FREM2: variants seen among roughly 807,000 people sequenced by gnomAD.
FREM2 encodes the protein FRAS1-related extracellular matrix protein 2.
Under a neutral mutation model 219.9 loss-of-function variants are expected in FREM2, and 119 were observed. The observed-to-expected ratio is 0.54, with a 90% CI of 0.47 to 0.63. The LOEUF is 0.63. Among genes scored for constraint, FREM2 ranks in the 30% least tolerant of loss-of-function variants. The pLI, the probability that FREM2 is intolerant of heterozygous loss-of-function variation, is 0.00. For missense variants in FREM2, 4,030 were observed against 3,993.6 expected, an observed-to-expected ratio of 1.01 and a Z score of -0.25; for synonymous variants, 1,562 against 1,522.8, an observed-to-expected ratio of 1.03 and a Z score of -0.60.
At chr13:38,868,587 C>G (rs1878052923) in intron 16 of FREM2, among the ~76,000 whole-genome samples, 1 of 152,174 alleles carries the variant, frequency 6.6e-6, no homozygotes, top group Non-Finnish European at 1.5e-5. Context: ...TTTCCTTTGT[C>G]CTTGGTACAA....
chr13:38,753,623 A>C (rs1872866247), intron 2 of FREM2, among the ~76,000 whole-genome samples: 1 of 152,254 alleles, frequency 6.6e-6, no homozygotes, highest in African/African-American at 2.4e-5. Flanking sequence ...TCACAGTGTT[A>C]AAATGACAAA....
intron 2 of FREM2, among the ~76,000 whole-genome samples, chr13:38,739,065 A>G (rs557227962): frequency 1.3e-5 from 2 of 152,290 alleles, no homozygotes; most frequent in Admixed American, 6.5e-5. Context: ...ATATATACAG[A>G]ATGCTTGGCA....
rs754976196 is a variant in FREM2, at chr13:38,848,673, G to A, written c.6379+3G>A. The A allele has an allele frequency of 2.5e-6, 4 of 1,607,236 alleles. No individual in the cohort carries two copies. On this transcript the variant is annotated splice_donor_region_variant and intron_variant, in intron 8 of 23. Transcript: ENST00000280481. The stretch of plus-strand genomic sequence containing the variant: ...CATAAATGACTCTGTCTCCGATTGT[G>A]AGTGTTTATTAATTTTATAATTTAC...
intron 6 of FREM2, among the ~76,000 whole-genome samples, chr13:38,832,585 A>T (rs9603443): frequency 0.12 from 18,312 of 152,122 alleles, 2,125 homozygotes; most frequent in African/African-American, 0.31. Context: ...AATAAGATAT[A>T]ATAATTTTAT....
chr13:38,861,557 T>C lies in FREM2; in HGVS notation c.7646T>C (p.Ile2549Thr). 2 of 1,613,234 alleles carry C rather than the reference T, an allele frequency of 1.2e-6. No individual in the cohort carries two copies. Among genetic ancestry groups the C allele is most frequent in the Middle Eastern group, 1.7e-4 (1 of 6,060 alleles). Reference protein sequence around the residue: ...LIKLTVTMPHIDGMLPVISTR... With the variant: ...LIKLTVTMPHTDGMLPVISTR... The stretch of plus-strand genomic sequence containing the variant: ...AAGCTCACTGTCACAATGCCACACA[T>C]AGATGGTAGGTGACTTGGGTAAGCA... Residue 2549 changes from isoleucine (I) to threonine (T), a missense_variant, in exon 15 of 24, where the codon ATA becomes ACA. By Grantham distance (89) the Ile-to-Thr change is moderately conservative (BLOSUM62 -1). Around this residue, in one of 2 missense-constraint regions of FREM2, gnomAD observed 928 missense variants for 1,042.9 expected, o/e 0.89. Coordinates refer to ENST00000280481, the MANE Select transcript of FREM2 (RefSeq NM_207361.6).
rs1869492471 is a variant in FREM2, at chr13:38,687,252, C to T, written c.-93C>T. On this transcript the variant is annotated 5_prime_UTR_variant, in exon 1 of 24. Coordinates refer to ENST00000280481, the MANE Select transcript of FREM2 (RefSeq NM_207361.6). The stretch of plus-strand genomic sequence containing the variant: ...GACCCCGCGGGCAACGCGCGGAGTT[C>T]CTGGCACTTCCCGGCGGTGTCTCTT... The T allele has an allele frequency of 3.3e-6, 5 of 1,522,260 alleles. No individual in the cohort carries two copies. The highest frequency in any genetic ancestry group is 2.4e-5 in the South Asian group (2 of 83,154). 94.3% of individuals were successfully genotyped at this position (1,522,260 alleles called of 1,614,324 possible).
chr13:38,784,789 C>G lies in FREM2; in HGVS notation c.6000C>G (p.Ile2000Met). ...GSEFPGAQVT[I>M]VPDKDDEPIF... is the part of the protein sequence containing the mutation. ...AGTTCCCAGGGGCTCAAGTTACAATCGTTCCTGACAAAGATGATGGTGAGT... is the reference window on the plus strand; with the variant it reads ...AGTTCCCAGGGGCTCAAGTTACAATGGTTCCTGACAAAGATGATGGTGAGT... Residue 2000 changes from isoleucine (I) to methionine (M), a missense_variant, in exon 6 of 24, where the codon ATC (isoleucine) becomes ATG (methionine). By Grantham distance (10) the Ile-to-Met change is conservative. This residue lies in a region of FREM2 where 3,102 missense variants were observed against 2,950.7 expected (regional missense o/e 1.05). Transcript: ENST00000280481. 1 of 1,614,122 alleles carries G rather than the reference C, an allele frequency of 6.2e-7. No homozygotes were observed. Among genetic ancestry groups the G allele is most frequent in the Non-Finnish European group, 8.5e-7 (1 of 1,179,994 alleles).
In FREM2 at chr13:38,878,205, G is replaced by A. The variant is rs767037678; in HGVS notation, c.8743G>A (p.Glu2915Lys). Residue 2915 changes from glutamate (E) to lysine (K), a missense_variant, in exon 22 of 24, where the codon GAG (glutamate) becomes AAG (lysine). This residue lies in a region of FREM2 where 928 missense variants were observed against 1,042.9 expected (regional missense o/e 0.89). Transcript: ENST00000280481. ...GGGTGACTCCTTTTACTGCAGCATTGAGAAGGTGTTTCTATGCACTGGAGC... is the reference window on the plus strand; with the variant it reads ...GGGTGACTCCTTTTACTGCAGCATTAAGAAGGTGTTTCTATGCACTGGAGC... ...NLGDSFYCSIEKVFLCTGADG... is the reference protein window; with the variant it reads ...NLGDSFYCSIKKVFLCTGADG... 1 of 1,613,710 alleles carries A rather than the reference G, an allele frequency of 6.2e-7. No homozygotes were observed.
chr13:38,694,242 T>C (rs1192251982), intron 1 of FREM2, among the ~76,000 whole-genome samples: 2 of 152,236 alleles, frequency 1.3e-5, no homozygotes, highest in African/African-American at 2.4e-5. Context: ...CCATGATTAA[T>C]TTTTGTCATC....
In FREM2 at chr13:38,880,612, T is replaced by C. The variant is rs762519436; in HGVS notation, c.9335T>C (p.Val3112Ala). Reference sequence around the variant, plus strand: ...AGCCCCAGCTCTGCAGTCAGCCTGGTCACTGTGGTGGGAGGCACCACGGTA... The same window carrying C: ...AGCCCCAGCTCTGCAGTCAGCCTGGCCACTGTGGTGGGAGGCACCACGGTA... ...LNSPSSAVSL[V>A]TVVGGTTVGL... The change falls in exon 24 of 24, where the codon GTC (valine) becomes GCC (alanine). Residue 3112 changes from valine to alanine, a missense_variant. Val to Ala is a moderately conservative substitution (Grantham distance 64). Coordinates refer to ENST00000280481, the MANE Select transcript of FREM2 (RefSeq NM_207361.6). 2 of 1,613,832 alleles carry C rather than the reference T, an allele frequency of 1.2e-6. No individual in the cohort carries two copies. Among genetic ancestry groups the C allele is most frequent in the South Asian group, 2.2e-5 (2 of 91,086 alleles).
At chr13:38,797,068 G>C (rs1593413485) in intron 6 of FREM2, among the ~76,000 whole-genome samples, 1 of 151,788 alleles carries the variant, frequency 6.6e-6, no homozygotes, top group East Asian at 1.9e-4. Flanking sequence ...TGTAGAGATG[G>C]GGTCTCTCTA....
intron 6 of FREM2, among the ~76,000 whole-genome samples, chr13:38,817,845 A>G (rs916015374): frequency 6.6e-5 from 10 of 152,074 alleles, no homozygotes; most frequent in African/African-American, 2.4e-4. Context: ...TATAAGGGAC[A>G]TAATAGCAAA....
At position 38,692,286 on chromosome 13, in the gene FREM2, G is replaced by T. The variant is rs764160033; in HGVS notation, c.4942G>T (p.Val1648Phe). The T allele has an allele frequency of 5.0e-6, 8 of 1,613,300 alleles. No homozygotes were observed. The highest frequency in any genetic ancestry group is 2.2e-5 in the South Asian group (2 of 91,000). The stretch of plus-strand genomic sequence containing the variant: ...GAGACCCCAAGTGATGAAGATCCAG[G>T]TCTTGGCTGTTGACAACAGTGTCCC... ...TRRPQVMKIQ[V>F]LAVDNSVPQI... The change falls in exon 1 of 24, where the codon GTC (valine) becomes TTC (phenylalanine). Residue 1648 changes from valine to phenylalanine, a missense_variant. Val to Phe is a conservative substitution (Grantham distance 50). This residue lies in a region of FREM2 where 3,102 missense variants were observed against 2,950.7 expected (regional missense o/e 1.05). Transcript: ENST00000280481.
At chr13:38,769,523 C>A (rs1873567540) in intron 3 of FREM2, 55 bp from the exon 4 acceptor site, 3 of 1,463,528 alleles carry the variant, frequency 2.0e-6, no homozygotes, top group Non-Finnish European at 2.8e-6. Context: ...CAAGGAAAAT[C>A]TTAATAATCC....
rs1222770036 is a variant in FREM2, at chr13:38,776,787, G to GA, written c.5642-6271dup. On this transcript the variant is annotated intron_variant, in intron 4 of 23. Coordinates refer to ENST00000280481, the MANE Select transcript of FREM2 (RefSeq NM_207361.6). Reference sequence around the variant, plus strand: ...TCTCTAAATCTAAAACTGCTAAAAAGAAAAAAAAAAAACCCAGAGGTCTAT... The same window carrying GA: ...TCTCTAAATCTAAAACTGCTAAAAAGAAAAAAAAAAAAACCCAGAGGTCTAT... Among the ~76,000 whole-genome samples, 1,243 of 139,618 alleles carry GA rather than the reference G, an allele frequency of 8.9e-3. 9 individuals are homozygous for GA. Among genetic ancestry groups the GA allele is most frequent in the African/African-American group, 0.02 (793 of 39,038 alleles). 91.6% of individuals were successfully genotyped at this position (139,618 alleles called of 152,430 possible).
chr13:38,744,203 CTTTTTTTTTTTTT>C (rs11308232), intron 2 of FREM2, among the ~76,000 whole-genome samples: 29 of 51,746 alleles, frequency 5.6e-4, no homozygotes, highest in African/African-American at 2.1e-3. Flanking sequence ...GAGGTAAATC[CTTTTTTTTTTTTT>C]TTTTTTTTTT....
chr13:38,729,433 G>A (rs1019603901), intron 2 of FREM2, among the ~76,000 whole-genome samples: 8 of 152,080 alleles, frequency 5.3e-5, no homozygotes, highest in African/African-American at 1.9e-4. Flanking sequence ...GGGTATACTA[G>A]CATATGATCT....
intron 2 of FREM2, among the ~76,000 whole-genome samples, chr13:38,721,721 T>G (rs1302181365): frequency 1.3e-5 from 2 of 152,218 alleles, no homozygotes; most frequent in Non-Finnish European, 2.9e-5. Context: ...TCAATGAAAT[T>G]TGCCAAATTT....
Position 38,876,109 on chromosome 13 carries a change from A to G in FREM2, c.8369A>G (p.Asn2790Ser). 2 of 1,614,006 alleles carry G rather than the reference A, an allele frequency of 1.2e-6. No homozygotes were observed. Among genetic ancestry groups the G allele is most frequent in the Non-Finnish European group, 1.7e-6 (2 of 1,179,966 alleles). ...CTCATAAGGAGTGAACCAACCTATAACCAGCCAGTACAGCAGTGGAGCTTT... is the reference window on the plus strand; with the variant it reads ...CTCATAAGGAGTGAACCAACCTATAGCCAGCCAGTACAGCAGTGGAGCTTT... ...LRLIRSEPTY[N>S]QPVQQWSFVS... The change falls in exon 19 of 24, where the codon AAC becomes AGC. Residue 2790 changes from asparagine (N) to serine (S), a missense_variant. This residue lies in a region of FREM2 where 928 missense variants were observed against 1,042.9 expected (regional missense o/e 0.89). Coordinates refer to ENST00000280481, the MANE Select transcript of FREM2 (RefSeq NM_207361.6).
Sources: gnomAD v4.1 joint callset for allele counts (sites outside exome capture counted in the v4.1 genomes callset) on GRCh38, gnomAD v4.1.1 for gene constraint, gnomAD v4.1.1 regional missense constraint, MANE v1.5 for transcripts, NCBI Gene and HGNC (gene_info 2026-07-23, HGNC 2026-07-21) for gene names.